The following STXBP5L variants were observed in gnomAD, a reference collection of about 807,000 sequenced individuals.
The protein encoded by STXBP5L is syntaxin-binding protein 5-like.
A neutral mutation model predicts 144.5 loss-of-function variants in STXBP5L; 65 were observed. That is an observed-to-expected ratio of 0.45 (90% CI 0.37 to 0.55). STXBP5L has a LOEUF of 0.55. Ranked by LOEUF, STXBP5L falls within the 20% of genes least tolerant of loss-of-function variation. The pLI, the probability that STXBP5L is intolerant of heterozygous loss-of-function variation, is 0.00. For missense variants in STXBP5L, 1,298 were observed against 1,405.5 expected (o/e 0.92, Z 1.22); for synonymous variants, 505 against 469.6 (o/e 1.08, Z -0.97).
intron 3 of STXBP5L, among the ~76,000 whole-genome samples, chr3:121,034,806 T>A (rs1946642743): frequency 6.6e-6 from 1 of 152,178 alleles, no homozygotes; most frequent in South Asian, 2.1e-4. Flanking sequence ...CACACTATTT[T>A]CCACAGAGTT....
intron 22 of STXBP5L, among the ~76,000 whole-genome samples, chr3:121,405,496 T>C (rs1402513014): frequency 6.6e-6 from 1 of 152,230 alleles, no homozygotes; most frequent in Non-Finnish European, 1.5e-5. Flanking sequence ...TGATACTGTA[T>C]GTATTGATTG....
At chr3:121,373,155 A>T (rs1013134363) in intron 20 of STXBP5L, among the ~76,000 whole-genome samples, 1 of 152,144 alleles carries the variant, frequency 6.6e-6, no homozygotes, top group African/African-American at 2.4e-5. Flanking sequence ...AACAACAGGG[A>T]CCCTTTGAGG....
intron 3 of STXBP5L, among the ~76,000 whole-genome samples, chr3:120,984,052 T>C (rs1014583617): frequency 6.6e-6 from 1 of 152,098 alleles, no homozygotes; most frequent in Admixed American, 6.5e-5. Context: ...TTGTTCCTAG[T>C]TCACCCCGGA....
chr3:120,978,509 A>G (rs1253389474), intron 3 of STXBP5L, among the ~76,000 whole-genome samples: 3 of 151,986 alleles, frequency 2.0e-5, no homozygotes, highest in East Asian at 3.9e-4. Flanking sequence ...TGTAGCTCGG[A>G]GTAGTTTGAT....
chr3:121,113,969 G>A (rs980841371), intron 5 of STXBP5L, among the ~76,000 whole-genome samples: 2 of 152,006 alleles, frequency 1.3e-5, no homozygotes, highest in South Asian at 2.1e-4. Flanking sequence ...ACCGCGCCTG[G>A]CCTTTTTATT....
At chr3:121,297,761 C>G (rs2051719127) in intron 19 of STXBP5L, among the ~76,000 whole-genome samples, 1 of 151,880 alleles carries the variant, frequency 6.6e-6, no homozygotes, top group Admixed American at 6.6e-5. Flanking sequence ...TCCCAACCGC[C>G]AAAAGAATAT....
intron 5 of STXBP5L, among the ~76,000 whole-genome samples, chr3:121,066,420 G>A (rs186647810): frequency 4.0e-5 from 6 of 150,004 alleles, no homozygotes; most frequent in Admixed American, 1.3e-4. Flanking sequence ...ATCATGAATG[G>A]GTGTTGAATT....
At chr3:121,280,432 A>G (rs904941709) in intron 19 of STXBP5L, among the ~76,000 whole-genome samples, 4 of 151,852 alleles carry the variant, frequency 2.6e-5, no homozygotes, top group Non-Finnish European at 4.4e-5. Flanking sequence ...TTGGATGATG[A>G]CCTTCCTGAA....
intron 3 of STXBP5L, among the ~76,000 whole-genome samples, chr3:120,991,784 G>A (rs1463533701): frequency 2.0e-5 from 3 of 148,258 alleles, no homozygotes; most frequent in South Asian, 2.2e-4. Flanking sequence ...ACACAGGGTG[G>A]CAAACATCAC....
chr3:121,179,106 T>C (rs1269943065), intron 9 of STXBP5L, among the ~76,000 whole-genome samples: 1 of 151,704 alleles, frequency 6.6e-6, no homozygotes, highest in Non-Finnish European at 1.5e-5. Context: ...CACCAAAGGA[T>C]ACCTCCCCAC....
At chr3:120,924,526 A>C (rs971490689) in intron 2 of STXBP5L, 1 of 152,394 alleles carries the variant, frequency 6.6e-6, no homozygotes, top group Non-Finnish European at 1.5e-5. Context: ...CTCAGAGAAA[A>C]ATGTCAGAGA....
chr3:121,221,242 G>A (rs957241336), intron 10 of STXBP5L, among the ~76,000 whole-genome samples: 3 of 151,854 alleles, frequency 2.0e-5, no homozygotes, highest in Non-Finnish European at 4.4e-5. Context: ...ACTAACTTCA[G>A]ACCCAGAGTA....
At chr3:121,186,506 A>T (rs139694321) in intron 9 of STXBP5L, among the ~76,000 whole-genome samples, 94,169 of 151,180 alleles carry the variant, frequency 0.62, 29,471 homozygotes, top group East Asian at 0.79. Context: ...AGCATGAAGC[A>T]TTGTTGAATT....
chr3:121,281,802 T>A (rs2051068412), intron 19 of STXBP5L, among the ~76,000 whole-genome samples: 1 of 151,964 alleles, frequency 6.6e-6, no homozygotes, highest in Non-Finnish European at 1.5e-5. Context: ...CAGTGAGAAC[T>A]CACTTTATAT....
At chr3:121,413,418 T>A in intron 24 of STXBP5L, 95 bp downstream of exon 24, 5 of 1,143,856 alleles carry the variant, frequency 4.4e-6, no homozygotes, top group Non-Finnish European at 6.0e-6. Context: ...GGTCAGACAA[T>A]AATTATGCCC....
At chr3:121,293,875 ATAAAT>A (rs2051544217) in intron 19 of STXBP5L, among the ~76,000 whole-genome samples, 1 of 152,214 alleles carries the variant, frequency 6.6e-6, no homozygotes. Flanking sequence ...AAGTAAATAA[ATAAAT>A]AAAATAGAAG....
intron 3 of STXBP5L, among the ~76,000 whole-genome samples, chr3:120,970,853 A>G (rs969780229): frequency 1.3e-5 from 2 of 152,078 alleles, no homozygotes; most frequent in Non-Finnish European, 2.9e-5. Flanking sequence ...AAAACAATTC[A>G]CTGGAACTAA....
At chr3:121,307,285 G>T (rs1407273198) in intron 19 of STXBP5L, among the ~76,000 whole-genome samples, 1 of 152,048 alleles carries the variant, frequency 6.6e-6, no homozygotes, top group Non-Finnish European at 1.5e-5. Flanking sequence ...ACAAAGTGTG[G>T]CTCATTCACA....
At chr3:121,298,850 A>G (rs886869095) in intron 19 of STXBP5L, among the ~76,000 whole-genome samples, 4 of 152,218 alleles carry the variant, frequency 2.6e-5, no homozygotes, top group Admixed American at 1.3e-4. Context: ...AACAGTGTGA[A>G]TATGGTAAAC....
Sources: gnomAD v4.1 joint callset for allele counts (sites outside exome capture counted in the v4.1 genomes callset) on GRCh38, gnomAD v4.1.1 for gene constraint, MANE v1.5 for transcripts, NCBI Gene and HGNC (gene_info 2026-07-23, HGNC 2026-07-21) for gene names.